The following PRICKLE4 variants were observed in gnomAD, a reference collection of about 807,000 sequenced individuals.
PRICKLE4 encodes the protein prickle-like protein 4.
A neutral mutation model predicts 43.5 loss-of-function variants in PRICKLE4; 40 were observed. The ratio of observed to expected loss-of-function variants is 0.92; its 90% CI spans 0.71 to 1.20. The LOEUF (loss-of-function observed/expected upper bound fraction) is 1.20. Ranked by LOEUF, PRICKLE4 falls within the 50% of genes most tolerant of loss-of-function variation. The pLI, the probability that PRICKLE4 is intolerant of heterozygous loss-of-function variation, is 0.00. For missense variants in PRICKLE4, 527 were observed against 491.2 expected (o/e 1.07, Z -0.69); for synonymous variants, 208 against 197.4 (o/e 1.05, Z -0.45).
At chr6:41,783,360 T>G in intron 2 of PRICKLE4, 102 bp from the exon 3 acceptor site, 3 of 1,202,588 alleles carry the variant, frequency 2.5e-6, no homozygotes, top group Non-Finnish European at 3.4e-6. Context: ...GTCGTTTGGG[T>G]GTTGGGAGGA....
At chr6:41,782,718 T>C (rs1331223477) in intron 2 of PRICKLE4, among the ~76,000 whole-genome samples, 1 of 152,140 alleles carries the variant, frequency 6.6e-6, no homozygotes, top group African/African-American at 2.4e-5. Flanking sequence ...CCCCAAGATA[T>C]TATGGTCATA....
Position 41,786,189 on chromosome 6 carries a change from G to A in PRICKLE4, c.644G>A (p.Cys215Tyr). 1.2e-6 allele frequency: 2 copies of A among 1,612,692 alleles called. No homozygotes were observed. The highest frequency in any genetic ancestry group is 1.7e-6 in the Non-Finnish European group (2 of 1,179,118). ...CAGCGCTGGCATGAGAACCACTTCT[G>A]TTGCCAGGACTGCGCCGGGCCTCTG... Reference protein sequence around the residue: ...EGQRWHENHFCCQDCAGPLGG... With the variant: ...EGQRWHENHFYCQDCAGPLGG... Residue 215 changes from cysteine (C) to tyrosine (Y), a missense_variant, in exon 7 of 8, where the codon TGT becomes TAT. By Grantham distance (194) the Cys-to-Tyr change is radical. Transcript: ENST00000458694.
rs755449542 is a variant in PRICKLE4, at chr6:41,786,128, C to A, written c.583C>A (p.Leu195Met). Reference sequence around the variant, plus strand: ...TCCCCTCTCCCTCTCCCTCTCCCAGCTGATCTTCTCCTGGCGCTGCACCGA... The same window carrying A: ...TCCCCTCTCCCTCTCCCTCTCCCAGATGATCTTCTCCTGGCGCTGCACCGA... ...LRPRCPACDQ[L>M]IFSWRCTEAE... The change falls in exon 7 of 8, where the codon CTG becomes ATG. Residue 195 changes from leucine (L) to methionine (M), a missense_variant and splice_region_variant. Physicochemically the swap from Leu to Met is conservative, Grantham distance 15. Coordinates refer to ENST00000458694, the MANE Select transcript of PRICKLE4 (RefSeq NM_013397.6). The A allele has an allele frequency of 3.1e-6, 5 of 1,613,008 alleles. No individual in the cohort carries two copies. In the South Asian group the frequency reaches 5.5e-5, roughly 18 times the overall value.
At position 41,784,992 on chromosome 6, in the gene PRICKLE4, G is replaced by A. The variant is rs140175299; in HGVS notation, c.298G>A (p.Ala100Thr). 6.5e-4 allele frequency: 1,052 copies of A among 1,613,860 alleles called. 1 individual carries two copies. The highest frequency in any genetic ancestry group is 2.5e-3 in the South Asian group (227 of 91,064). Reference protein sequence around the residue: ...EERAELQLFCARRKQEALGQG... With the variant: ...EERAELQLFCTRRKQEALGQG... ...GCGGGCCGAGCTGCAGCTCTTCTGT[G>A]CCAGGCGGAAGCAGGAAGCCCTGGG... Residue 100 changes from alanine (A) to threonine (T), a missense_variant, in exon 5 of 8, where the codon GCC becomes ACC. Transcript: ENST00000458694.
chr6:41,786,463 G>A (rs1009924098), intron 7 of PRICKLE4, 131 bp downstream of exon 7: 1 of 1,166,146 alleles, frequency 8.6e-7, no homozygotes, highest in African/African-American at 1.5e-5. Flanking sequence ...GCACCCCCCA[G>A]ACCCAAGCCT....
rs1221708915 is a variant in PRICKLE4 at position 41,783,608 on chromosome 6, A to G, written c.132+3A>G. On this transcript the variant is annotated splice_donor_region_variant and intron_variant, in intron 3 of 7. Transcript: ENST00000458694. ...ACCCTGAGGATACCCATGCTCAGGT[A>G]GTAGAGTCGTGCCCTTCCTCTGAGA... 5.0e-6 allele frequency: 8 copies of G among 1,613,208 alleles called. No homozygotes were observed. Among genetic ancestry groups the G allele is most frequent in the Non-Finnish European group, 6.8e-6 (8 of 1,179,572 alleles).
intron 2 of PRICKLE4, 107 bp from the exon 3 acceptor site, chr6:41,783,355 T>G: frequency 5.1e-5 from 59 of 1,148,202 alleles, no homozygotes; most frequent in African/African-American, 4.7e-5. Flanking sequence ...CCTAAGTCGT[T>G]TGGGTGTTGG....
intron 7 of PRICKLE4, 146 bp from the exon 8 acceptor site, chr6:41,786,616 C>T (rs1772656646): frequency 1.5e-6 from 2 of 1,348,400 alleles, no homozygotes; most frequent in South Asian, 1.3e-5. Context: ...AGGCGGGGGA[C>T]CCTGGCGAGG....
At position 41,787,295 on chromosome 6, in the gene PRICKLE4, G is replaced by A; in HGVS notation, c.*166G>A. Reference sequence around the variant, plus strand: ...GAGTGCGCCCCCTTCAGTACTGCGCGTTCTAAGACTTTTGGCGGAGACTTT... The same window carrying A: ...GAGTGCGCCCCCTTCAGTACTGCGCATTCTAAGACTTTTGGCGGAGACTTT... On this transcript the variant is annotated 3_prime_UTR_variant, in exon 8 of 8. Transcript: ENST00000458694. 1.0e-6 allele frequency: 1 copy of A among 998,808 alleles called. No homozygotes were observed. Among genetic ancestry groups the A allele is most frequent in the Non-Finnish European group, 1.4e-6 (1 of 708,060 alleles). 61.9% of individuals were successfully genotyped at this position (998,808 alleles called of 1,614,324 possible).
Position 41,787,393 on chromosome 6 carries a change from G to A in PRICKLE4, c.*264G>A, listed in dbSNP as rs1482198572. 3.3e-6 allele frequency: 2 copies of A among 614,388 alleles called. No individual in the cohort carries two copies. Among genetic ancestry groups the A allele is most frequent in the African/African-American group, 3.7e-5 (2 of 54,122 alleles). The allele number at this position is 614,388 out of a possible 1,614,324, so 38.1% of individuals were successfully genotyped here. A position where few individuals can be genotyped will look rare whatever the true frequency, so the allele number is the denominator to read the frequency against. On this transcript the variant is annotated 3_prime_UTR_variant, in exon 8 of 8. Transcript: ENST00000458694. Reference sequence around the variant, plus strand: ...CCCCTACCCCCACCTCCACAGGCTGGGACAGCCCCGTCCCCACCATCCTCC... The same window carrying A: ...CCCCTACCCCCACCTCCACAGGCTGAGACAGCCCCGTCCCCACCATCCTCC...
At position 41,784,202 on chromosome 6, in the gene PRICKLE4, G is replaced by A. The variant is rs1422135675; in HGVS notation, c.204G>A (p.Gln68=). 1.2e-5 allele frequency: 20 copies of A among 1,613,842 alleles called. 1 individual carries two copies. Among genetic ancestry groups the A allele is most frequent in the Non-Finnish European group, 1.7e-5 (20 of 1,179,926 alleles). Residue 68 remains glutamine (Q), a synonymous_variant, in exon 4 of 8, where the codon CAG becomes CAA. Coordinates refer to ENST00000458694, the MANE Select transcript of PRICKLE4 (RefSeq NM_013397.6). ...AAGCCCCCAACTGGACTGGACTTCA[G>A]ACCCTCCTGCAGCAACTCCCTCCGC... ...TNQAPNWTGL[Q]TLLQQLPPQD...
intron 4 of PRICKLE4, 173 bp from the exon 5 acceptor site, chr6:41,784,762 C>G: frequency 1.2e-6 from 1 of 822,120 alleles, no homozygotes; most frequent in Non-Finnish European, 1.9e-6. Flanking sequence ...ACTGAGGTGG[C>G]TTTCTTGAGC....
intron 4 of PRICKLE4, 181 bp from the exon 5 acceptor site, chr6:41,784,754 T>C (rs1236769764): frequency 1.9e-5 from 14 of 722,822 alleles, no homozygotes; most frequent in Non-Finnish European, 2.9e-5. Flanking sequence ...AGGGTGAGAC[T>C]GAGGTGGCTT....
Position 41,786,827 on chromosome 6 carries a change from C to G in PRICKLE4, c.853C>G (p.Arg285Gly), listed in dbSNP as rs776523900. 2 of 1,558,058 alleles carry G rather than the reference C, an allele frequency of 1.3e-6. No homozygotes were observed. The highest frequency in any genetic ancestry group is 1.7e-6 in the Non-Finnish European group (2 of 1,158,730). The change falls in exon 8 of 8, where the codon CGA (arginine) becomes GGA (glycine). Residue 285 changes from arginine (R) to glycine (G), a missense_variant. By Grantham distance (125) the Arg-to-Gly change is moderately radical (BLOSUM62 -2). Transcript: ENST00000458694. ...QTSVNSATLS[R>G]TLLAAAGGSS... ...CTCGGTGAACTCTGCAACCCTCTCC[C>G]GAACACTCCTCGCTGCTGCCGGCGG...
Position 41,786,862 on chromosome 6 carries a change from G to A in PRICKLE4, c.888G>A (p.Leu296=), listed in dbSNP as rs779073204. The A allele has an allele frequency of 1.2e-6, 2 of 1,603,916 alleles. No individual in the cohort carries two copies. The highest frequency in any genetic ancestry group is 2.2e-5 in the East Asian group (1 of 44,756). ...TCGCTGCTGCCGGCGGTTCCAGCCT[G>A]CAAACTCAGAGGGGGCTGCCTGGAT... ...TLLAAAGGSS[L]QTQRGLPGSS... The change falls in exon 8 of 8, where the codon CTG becomes CTA. Residue 296 remains leucine (L), a synonymous_variant. Transcript: ENST00000458694.
In PRICKLE4 at chr6:41,786,318, G is replaced by T. The variant is rs750458157; in HGVS notation, c.773G>T (p.Gly258Val). 6 of 1,565,294 alleles carry T rather than the reference G, an allele frequency of 3.8e-6. No homozygotes were observed. Among genetic ancestry groups the T allele is most frequent in the Non-Finnish European group, 5.2e-6 (6 of 1,152,812 alleles). The change falls in exon 7 of 8, where the codon GGG becomes GTG. Residue 258 changes from glycine (G) to valine (V), a missense_variant. Gly to Val is a moderately radical substitution (Grantham distance 109). Transcript: ENST00000458694. ...AGSSWAGALE[G>V]QAFLGETGLD... ...TCGAGCTGGGCCGGGGCACTGGAAG[G>T]GCAGGCATTCCTTGGTAAGGGAGAG...
rs371724157 is a variant in PRICKLE4, at chr6:41,787,099, C to A, written c.1125C>A (p.Asn375Lys). 1.9e-6 allele frequency: 3 copies of A among 1,610,012 alleles called. No homozygotes were observed. The highest frequency in any genetic ancestry group is 2.5e-6 in the Non-Finnish European group (3 of 1,179,664). Residue 375 changes from asparagine to lysine, a missense_variant, in exon 8 of 8, where the codon AAC (asparagine) becomes AAA (lysine). Transcript: ENST00000458694. ...TPGSLQAEDSNASKTHCTMC is the reference protein window; with the variant it reads ...TPGSLQAEDSKASKTHCTMC ...GAAGCCTCCAAGCAGAGGACAGCAA[C>A]GCCTCTAAGACGCACTGCACCATGT...
At chr6:41,783,718 CT>C in intron 3 of PRICKLE4, 113 bp downstream of exon 3, 2 of 1,465,368 alleles carry the variant, frequency 1.4e-6, no homozygotes, top group South Asian at 1.2e-5. Flanking sequence ...CTCTTGTTGC[CT>C]TTTTCTCTTT....
rs1772685717 is a variant in PRICKLE4, at chr6:41,787,412, A to G, written c.*283A>G. The G allele has an allele frequency of 1.7e-6, 1 of 605,606 alleles. No homozygotes were observed. Among genetic ancestry groups the G allele is most frequent in the Non-Finnish European group, 2.8e-6 (1 of 353,584 alleles). The allele number at this position is 605,606 out of a possible 1,614,324, so 37.5% of individuals were successfully genotyped here. A position where few individuals can be genotyped will look rare whatever the true frequency, so the allele number is the denominator to read the frequency against. On this transcript the variant is annotated 3_prime_UTR_variant, in exon 8 of 8. Coordinates refer to ENST00000458694, the MANE Select transcript of PRICKLE4 (RefSeq NM_013397.6). The stretch of plus-strand genomic sequence containing the variant: ...AGGCTGGGACAGCCCCGTCCCCACC[A>G]TCCTCCTCCCAAGCCAATTAAATGA...
Sources: allele counts gnomAD v4.1 joint callset (sites outside exome capture counted in the v4.1 genomes callset), GRCh38; gene constraint gnomAD v4.1.1; transcripts MANE v1.5; gene names NCBI Gene and HGNC (gene_info 2026-07-23, HGNC 2026-07-21).